SPECC1L: variants seen among roughly 807,000 people sequenced by gnomAD.
The protein encoded by SPECC1L is cytospin-A.
Under a neutral mutation model 116.8 loss-of-function variants are expected in SPECC1L, and 40 were observed. That is an observed-to-expected ratio of 0.34 (90% CI 0.27 to 0.45). The LOEUF is 0.45. SPECC1L is among the 20% of genes least tolerant of loss of function. The probability of loss-of-function intolerance (pLI) is 1.00; values close to 1 mark genes in which losing one functional copy is unlikely to be tolerated. For synonymous variants in SPECC1L, 504 were observed against 500.6 expected (o/e 1.01, Z -0.09); for missense variants, 1,110 against 1,373.6 (o/e 0.81, Z 3.03).
chr22:24,373,213 T>C (rs2041905194), intron 14 of SPECC1L, among the ~76,000 whole-genome samples: 1 of 152,162 alleles, frequency 6.6e-6, no homozygotes, highest in Non-Finnish European at 1.5e-5. Flanking sequence ...AGGTAATTTA[T>C]AGATTCAGTG....
chr22:24,271,999 C>A (rs114443642), intron 1 of SPECC1L, among the ~76,000 whole-genome samples: 5,117 of 152,264 alleles, frequency 0.034, 174 homozygotes, highest in African/African-American at 0.082. Context: ...CAACAGCAGT[C>A]ATTTCTGGTG....
At chr22:24,396,747 C>T (rs1035843891) in intron 14 of SPECC1L, among the ~76,000 whole-genome samples, 9 of 152,204 alleles carry the variant, frequency 5.9e-5, no homozygotes, top group Non-Finnish European at 1.0e-4. Flanking sequence ...TTGCGTTTCA[C>T]GTGGCCTCTG....
At chr22:24,366,249 G>A (rs150873071) in intron 13 of SPECC1L, among the ~76,000 whole-genome samples, 124 of 151,956 alleles carry the variant, frequency 8.2e-4, no homozygotes, top group African/African-American at 2.9e-3. Context: ...TTGGAGTGCA[G>A]TGGCGCGATC....
intron 14 of SPECC1L, among the ~76,000 whole-genome samples, chr22:24,378,615 G>A (rs2042011499): frequency 6.6e-6 from 1 of 152,114 alleles, no homozygotes; most frequent in Non-Finnish European, 1.5e-5. Flanking sequence ...AACACTTAGA[G>A]GCCATTGTAG....
intron 16 of SPECC1L, among the ~76,000 whole-genome samples, chr22:24,413,907 C>A (rs2042751523): frequency 6.6e-6 from 1 of 152,188 alleles, no homozygotes; most frequent in Non-Finnish European, 1.5e-5. Context: ...CTCCCCGAGC[C>A]TTCAGCAGCA....
chr22:24,352,427 G>A (rs997295938), intron 11 of SPECC1L, among the ~76,000 whole-genome samples: 2 of 152,064 alleles, frequency 1.3e-5, no homozygotes, highest in African/African-American at 4.8e-5. Context: ...TAAGAAGTTC[G>A]TTAGTCCAAG....
At chr22:24,317,316 C>T (rs1224514289) in intron 4 of SPECC1L, among the ~76,000 whole-genome samples, 4 of 97,416 alleles carry the variant, frequency 4.1e-5, no homozygotes, top group Non-Finnish European at 6.7e-5. Flanking sequence ...GGGGGGCTGA[C>T]CCCCCCCACC....
At position 24,369,250 on chromosome 22, in the gene SPECC1L, C is replaced by T; in HGVS notation, c.3017C>T (p.Ala1006Val). The stretch of plus-strand genomic sequence containing the variant: ...AGGAAAGACCCTCTCTCAGCATTGG[C>T]CAGAGAATATGGAGGATCAAAGAGG... ...EERKDPLSALAREYGGSKRNA... is the reference protein window; with the variant it reads ...EERKDPLSALVREYGGSKRNA... The change falls in exon 14 of 17, where the codon GCC becomes GTC. Residue 1006 changes from alanine (A) to valine (V), a missense_variant. This residue lies in a region of SPECC1L where 76 missense variants were observed against 148.5 expected (regional missense o/e 0.51). Coordinates refer to ENST00000314328, the MANE Select transcript of SPECC1L (RefSeq NM_015330.6). 1 of 1,613,886 alleles carries T rather than the reference C, an allele frequency of 6.2e-7. No individual in the cohort carries two copies. Among genetic ancestry groups the T allele is most frequent in the Non-Finnish European group, 8.5e-7 (1 of 1,179,796 alleles).
At chr22:24,385,049 C>T (rs1015940954) in intron 14 of SPECC1L, among the ~76,000 whole-genome samples, 29 of 142,290 alleles carry the variant, frequency 2.0e-4, no homozygotes, top group Non-Finnish European at 3.9e-4. Context: ...GGGCACAAAG[C>T]GAAACTCCGT....
At chr22:24,342,889 GA>G (rs1244348643) in intron 10 of SPECC1L, among the ~76,000 whole-genome samples, 55 of 151,802 alleles carry the variant, frequency 3.6e-4, no homozygotes, top group Non-Finnish European at 4.0e-4. Flanking sequence ...AAGTGTGTCT[GA>G]AAAAAACATT....
chr22:24,286,703 A>G (rs1271238439), intron 2 of SPECC1L, among the ~76,000 whole-genome samples: 1 of 152,128 alleles, frequency 6.6e-6, no homozygotes, highest in Non-Finnish European at 1.5e-5. Flanking sequence ...TAACTGACCT[A>G]TCTAGTAAGA....
chr22:24,330,564 G>C, intron 8 of SPECC1L, 133 bp downstream of exon 8: 1 of 922,738 alleles, frequency 1.1e-6, no homozygotes, highest in South Asian at 1.4e-5. Flanking sequence ...AAGTTACTCA[G>C]CTTTTCTGGG....
chr22:24,364,223 T>C (rs1027735158), intron 12 of SPECC1L, among the ~76,000 whole-genome samples: 14 of 152,242 alleles, frequency 9.2e-5, no homozygotes, highest in Non-Finnish European at 1.5e-5. Flanking sequence ...TGAACAGTTC[T>C]CAGAACATTT....
In SPECC1L at chr22:24,321,844, GTTT is replaced by G. The variant is rs2040728971; in HGVS notation, c.865_867del (p.Phe289del). Reference sequence around the variant, plus strand: ...AGAGGTTAGACAATTCTGAAAAACTGTTTGGCTATCAGTCCCTGAGCCCAGAAA... The same window carrying G: ...AGAGGTTAGACAATTCTGAAAAACTGGGCTATCAGTCCCTGAGCCCAGAAA... On this transcript the variant is annotated inframe_deletion, in exon 5 of 17. Coordinates refer to ENST00000314328, the MANE Select transcript of SPECC1L (RefSeq NM_015330.6). 6.2e-7 allele frequency: 1 copy of G among 1,614,116 alleles called. No homozygotes were observed. The highest frequency in any genetic ancestry group is 8.5e-7 in the Non-Finnish European group (1 of 1,180,052).
chr22:24,347,214 A>C (rs1383130051), intron 11 of SPECC1L, 38 bp downstream of exon 11: 1 of 1,520,704 alleles, frequency 6.6e-7, no homozygotes, highest in South Asian at 1.1e-5. Flanking sequence ...CCTTTTTTTC[A>C]ATTTTTGAAT....
At chr22:24,353,169 AC>A (rs888778676) in intron 11 of SPECC1L, among the ~76,000 whole-genome samples, 2 of 152,208 alleles carry the variant, frequency 1.3e-5, no homozygotes, top group African/African-American at 4.8e-5. Flanking sequence ...TTATTAACTA[AC>A]CTACAGAATT....
intron 6 of SPECC1L, among the ~76,000 whole-genome samples, chr22:24,325,543 A>ATTTC (rs2040802887): frequency 2.3e-5 from 1 of 43,162 alleles, no homozygotes; most frequent in Non-Finnish European, 5.9e-5. Flanking sequence ...AAATGGATTT[A>ATTTC]TTTATTTATT....
At position 24,388,647 on chromosome 22, in the gene SPECC1L, T is replaced by C. The variant is rs193024351; in HGVS notation, c.3087+19327T>C. Among the ~76,000 whole-genome samples, 33 of 152,316 alleles carry C rather than the reference T, an allele frequency of 2.2e-4. No individual in the cohort carries two copies. The East Asian group carries it at 4.8e-3, about 22-fold the overall frequency. On this transcript the variant is annotated intron_variant, in intron 14 of 16. Transcript: ENST00000314328. ...AATGGTATTTCTAGTTCTAGATCCCTGAGGAATCGCCAAACTGACTTCCAC... is the reference window on the plus strand; with the variant it reads ...AATGGTATTTCTAGTTCTAGATCCCCGAGGAATCGCCAAACTGACTTCCAC...
chr22:24,325,413 G>T (rs961831359), intron 6 of SPECC1L, among the ~76,000 whole-genome samples: 6 of 152,100 alleles, frequency 3.9e-5, no homozygotes, highest in Admixed American at 3.9e-4. Context: ...TTCCATTTCA[G>T]AGTAAAAACG....
Sources: gnomAD v4.1 joint callset for allele counts (sites outside exome capture counted in the v4.1 genomes callset) on GRCh38, gnomAD v4.1.1 for gene constraint, gnomAD v4.1.1 regional missense constraint, MANE v1.5 for transcripts, NCBI Gene and HGNC (gene_info 2026-07-23, HGNC 2026-07-21) for gene names.